FAM111B: variants seen among roughly 807,000 people sequenced by gnomAD.
FAM111B encodes FAM111 trypsin like peptidase B.
Under a neutral mutation model 2.8 loss-of-function variants are expected in FAM111B, and 1 was observed. The observed-to-expected ratio is 0.36, with a 90% CI of 0.13 to 1.70. The LOEUF (loss-of-function observed/expected upper bound fraction) is 1.70. Ranked by LOEUF, FAM111B falls within the 40% of genes most tolerant of loss-of-function variation. FAM111B has a pLI of 0.35. For synonymous variants in FAM111B, 297 were observed against 295.6 expected (o/e 1.00, Z -0.05); for missense variants, 882 against 878.9 (o/e 1.00, Z -0.04).
intron 3 of FAM111B, among the ~76,000 whole-genome samples, chr11:59,112,098 G>A (rs1261818020): frequency 6.6e-6 from 1 of 152,156 alleles, no homozygotes; most frequent in Admixed American, 6.5e-5. Context: ...AAGCAAAGCA[G>A]TTCCATCACC....
rs972889970 is a variant in FAM111B, at chr11:59,127,262, C to T, written c.*960C>T. 5 of 152,014 alleles carry T rather than the reference C, an allele frequency of 3.3e-5. No individual in the cohort carries two copies. Among genetic ancestry groups the T allele is most frequent in the Admixed American group, 6.6e-5 (1 of 15,254 alleles). 9.4% of individuals were successfully genotyped at this position (152,014 alleles called of 1,614,324 possible). A position where few individuals can be genotyped will look rare whatever the true frequency, so the allele number is the denominator to read the frequency against. On this transcript the variant is annotated 3_prime_UTR_variant, in exon 4 of 4. Transcript: ENST00000343597. ...GTGGAGGGTGGGAGGAGGGTGAAGA[C>T]TGAAAAACTGCCTATGGGGTACTAT...
rs1860012764 is a variant in FAM111B at position 59,125,619 on chromosome 11, A to G, written c.1522A>G (p.Ile508Val). The change falls in exon 4 of 4, where the codon ATA (isoleucine) becomes GTA (valine). Residue 508 changes from isoleucine (I) to valine (V), a missense_variant. Coordinates refer to ENST00000343597, the MANE Select transcript of FAM111B (RefSeq NM_198947.4). Reference sequence around the variant, plus strand: ...CACACATCCAAGTTTGTGGCCAGATATAATTAGCAAATGTGCGAAGGTAAC... The same window carrying G: ...CACACATCCAAGTTTGTGGCCAGATGTAATTAGCAAATGTGCGAAGGTAAC... ...KNTHPSLWPD[I>V]ISKCAKVTFT... 2 of 1,613,884 alleles carry G rather than the reference A, an allele frequency of 1.2e-6. No homozygotes were observed. The highest frequency in any genetic ancestry group is 2.2e-5 in the East Asian group (1 of 44,876).
chr11:59,109,588 G>A lies in FAM111B; in HGVS notation c.-38G>A, dbSNP rs767971017. 34 of 1,349,894 alleles carry A rather than the reference G, an allele frequency of 2.5e-5. No individual in the cohort carries two copies. The highest frequency in any genetic ancestry group is 9.4e-5 in the South Asian group (7 of 74,366). The allele number at this position is 1,349,894 out of a possible 1,614,324, so 83.6% of individuals were successfully genotyped here. A position where few individuals can be genotyped will look rare whatever the true frequency, so the allele number is the denominator to read the frequency against. On this transcript the variant is annotated 5_prime_UTR_variant, in exon 3 of 4. Transcript: ENST00000343597. ...TCAATCCTTGTTTCTCCATCTTATCGAGTAGTAGAAGTTAGTTACATTCTC... is the reference window on the plus strand; with the variant it reads ...TCAATCCTTGTTTCTCCATCTTATCAAGTAGTAGAAGTTAGTTACATTCTC...
Position 59,114,434 on chromosome 11 carries a change from G to A in FAM111B, c.81+4728G>A, listed in dbSNP as rs570298357. On this transcript the variant is annotated intron_variant, in intron 3 of 3. Coordinates refer to ENST00000343597, the MANE Select transcript of FAM111B (RefSeq NM_198947.4). ...CTGCAGTGGCCTGAGACTGGGAGCT[G>A]AAGGGGCAGAGAGGAGGGGATGGAG... 4.6e-5 allele frequency among the ~76,000 whole-genome samples: 7 copies of A among 152,280 alleles called. No homozygotes were observed. In the South Asian group the frequency reaches 1.5e-3, roughly 32 times the overall value.
chr11:59,113,351 A>C (rs1859789081), intron 3 of FAM111B, among the ~76,000 whole-genome samples: 1 of 152,168 alleles, frequency 6.6e-6, no homozygotes, highest in East Asian at 1.9e-4. Context: ...AGAATAGGCA[A>C]ACCTGGTGGA....
chr11:59,113,127 G>A (rs189078565), intron 3 of FAM111B, among the ~76,000 whole-genome samples: 5 of 152,132 alleles, frequency 3.3e-5, no homozygotes, highest in African/African-American at 1.2e-4. Flanking sequence ...TTTAGGTTTA[G>A]TCTGCAATTG....
chr11:59,119,568 T>G (rs1211831253), intron 3 of FAM111B, among the ~76,000 whole-genome samples: 1 of 152,202 alleles, frequency 6.6e-6, no homozygotes, highest in East Asian at 1.9e-4. Flanking sequence ...CCAAAGGCTT[T>G]AGTTTTAATT....
At chr11:59,120,126 T>A (rs1305052417) in intron 3 of FAM111B, among the ~76,000 whole-genome samples, 1 of 152,176 alleles carries the variant, frequency 6.6e-6, no homozygotes, top group African/African-American at 2.4e-5. Flanking sequence ...TTGTTAACCA[T>A]TTATGGAGAA....
At position 59,109,616 on chromosome 11, in the gene FAM111B, T is replaced by A. The variant is rs778080560; in HGVS notation, c.-10T>A. The A allele has an allele frequency of 6.3e-7, 1 of 1,592,396 alleles. No individual in the cohort carries two copies. Among genetic ancestry groups the A allele is most frequent in the South Asian group, 1.1e-5 (1 of 89,484 alleles). Reference sequence around the variant, plus strand: ...TAGTAGAAGTTAGTTACATTCTCTTTGAACTCATCATGAATTCCATGAAGA... The same window carrying A: ...TAGTAGAAGTTAGTTACATTCTCTTAGAACTCATCATGAATTCCATGAAGA... On this transcript the variant is annotated 5_prime_UTR_variant, in exon 3 of 4. Coordinates refer to ENST00000343597, the MANE Select transcript of FAM111B (RefSeq NM_198947.4).
At chr11:59,111,704 C>A (rs1425704595) in intron 3 of FAM111B, among the ~76,000 whole-genome samples, 1 of 152,140 alleles carries the variant, frequency 6.6e-6, no homozygotes, top group Non-Finnish European at 1.5e-5. Flanking sequence ...AGATGTAGAA[C>A]ATTTCCGTCA....
chr11:59,114,263 G>A lies in FAM111B; in HGVS notation c.81+4557G>A, dbSNP rs182559905. Among the ~76,000 whole-genome samples the A allele has an allele frequency of 2.0e-5, 3 of 152,304 alleles. No homozygotes were observed. The East Asian group carries it at 5.8e-4, about 29-fold the overall frequency. ...AGGGGAGAGGAGCTGAGCAGCAGAA[G>A]GTGGGGCAGAGGGAGGGGTGGACAG... On this transcript the variant is annotated intron_variant, in intron 3 of 3. Coordinates refer to ENST00000343597, the MANE Select transcript of FAM111B (RefSeq NM_198947.4).
intron 3 of FAM111B, 23 bp downstream of exon 3, chr11:59,109,729 C>G: frequency 6.7e-7 from 1 of 1,486,646 alleles, no homozygotes; most frequent in African/African-American, 1.4e-5. Flanking sequence ...TTTTACAACT[C>G]CTCAGAGGAG....
At chr11:59,117,466 C>G (rs1859855789) in intron 3 of FAM111B, among the ~76,000 whole-genome samples, 1 of 152,184 alleles carries the variant, frequency 6.6e-6, no homozygotes. Context: ...ATGATTACCC[C>G]AAAAGGTTCC....
intron 3 of FAM111B, among the ~76,000 whole-genome samples, chr11:59,114,481 A>T (rs1859809810): frequency 6.6e-6 from 1 of 152,102 alleles, no homozygotes; most frequent in Admixed American, 6.5e-5. Context: ...TGTGAAGGAA[A>T]AGAGAGATGG....
chr11:59,108,225 G>C (rs1159275151), intron 1 of FAM111B, among the ~76,000 whole-genome samples: 1 of 152,240 alleles, frequency 6.6e-6, no homozygotes, highest in African/African-American at 2.4e-5. Context: ...ATCTAGAAAT[G>C]AGGAAATGGG....
intron 3 of FAM111B, among the ~76,000 whole-genome samples, chr11:59,115,930 C>T (rs1489055798): frequency 1.3e-5 from 2 of 152,114 alleles, no homozygotes; most frequent in South Asian, 2.1e-4. Context: ...TGGTAGTCAG[C>T]GGGTGTGGAA....
At chr11:59,112,487 A>G (rs1425826597) in intron 3 of FAM111B, among the ~76,000 whole-genome samples, 4 of 152,200 alleles carry the variant, frequency 2.6e-5, no homozygotes, top group African/African-American at 9.7e-5. Context: ...AGGTTTTTGT[A>G]TGAAGATTAG....
intron 3 of FAM111B, among the ~76,000 whole-genome samples, chr11:59,112,263 C>CAT (rs1859771656): frequency 6.6e-6 from 1 of 152,222 alleles, no homozygotes; most frequent in Admixed American, 6.5e-5. Context: ...TACACTGAAT[C>CAT]ATACCCTTTG....
At position 59,125,696 on chromosome 11, in the gene FAM111B, G is replaced by A; in HGVS notation, c.1599G>A (p.Glu533=). Residue 533 remains glutamate, a synonymous_variant, in exon 4 of 4, where the codon GAG becomes GAA. Coordinates refer to ENST00000343597, the MANE Select transcript of FAM111B (RefSeq NM_198947.4). ...CPTPDNWFSI[E]PWLKVSNENL... ...CTCCTGACAATTGGTTTTCCATTGA[G>A]CCATGGCTTAAAGTGTCCAATGAAA... is the stretch of plus-strand genomic sequence containing the variant. 6.2e-7 allele frequency: 1 copy of A among 1,613,804 alleles called. No homozygotes were observed. The highest frequency in any genetic ancestry group is 8.5e-7 in the Non-Finnish European group (1 of 1,179,798).
Sources: allele counts gnomAD v4.1 joint callset (sites outside exome capture counted in the v4.1 genomes callset), GRCh38; gene constraint gnomAD v4.1.1; transcripts MANE v1.5; gene names NCBI Gene and HGNC (gene_info 2026-07-23, HGNC 2026-07-21).